Variants in NRXN3 observed in about 807,000 individuals in gnomAD.
NRXN3 encodes the protein neurexin 3, also known as neurexin III.
In NRXN3, 32 loss-of-function variants were observed where a neutral mutation model predicts 137.6. That is an observed-to-expected ratio of 0.23 (90% confidence interval 0.18 to 0.31). The LOEUF is 0.31. NRXN3 is among the 10% of genes least tolerant of loss of function. The pLI, the probability that NRXN3 is intolerant of heterozygous loss-of-function variation, is 1.00. For synonymous variants in NRXN3, 798 were observed against 784.5 expected, an observed-to-expected ratio of 1.02 and a Z score of -0.29; for missense variants, 1,574 against 2,062.5, an observed-to-expected ratio of 0.76 and a Z score of 4.59.
chr14:78,967,360 C>T lies in NRXN3; in HGVS notation c.2930C>T (p.Thr977Ile). ...CTGAAAGTGGACACCAAAGTGGTCA[C>T]TCAGGTTATCAATGGTGCCAAAAAT... ...HSLKVDTKVV[T>I]QVINGAKNLD... Residue 977 changes from threonine to isoleucine, a missense_variant, in exon 13 of 21, where the codon ACT becomes ATT. Physicochemically the swap from Thr to Ile is moderately conservative, Grantham distance 89 (BLOSUM62 -1). This residue lies in a region of NRXN3 where 718 missense variants were observed against 887.6 expected (regional missense o/e 0.81). Coordinates refer to ENST00000335750, the MANE Select transcript of NRXN3 (RefSeq NM_001330195.2). The T allele has an allele frequency of 6.2e-7, 1 of 1,613,920 alleles. No individual in the cohort carries two copies. Among genetic ancestry groups the T allele is most frequent in the Non-Finnish European group, 8.5e-7 (1 of 1,179,926 alleles).
intron 15 of NRXN3, among the ~76,000 whole-genome samples, chr14:79,350,032 T>C (rs1388632641): frequency 6.6e-6 from 1 of 152,216 alleles, no homozygotes; most frequent in East Asian, 1.9e-4. Context: ...CAGCCCATAA[T>C]TTATGACTAG....
At chr14:79,470,377 G>A (rs1249322909) in intron 16 of NRXN3, among the ~76,000 whole-genome samples, 1 of 152,086 alleles carries the variant, frequency 6.6e-6, no homozygotes, top group Non-Finnish European at 1.5e-5. Context: ...GTCTTGTGAG[G>A]GCCCAGTCTT....
At chr14:79,070,968 G>A (rs1189320202) in intron 15 of NRXN3, among the ~76,000 whole-genome samples, 1 of 152,174 alleles carries the variant, frequency 6.6e-6, no homozygotes, top group Non-Finnish European at 1.5e-5. Flanking sequence ...TTAAGGCTAT[G>A]CATAGCAATT....
intron 15 of NRXN3, among the ~76,000 whole-genome samples, chr14:79,094,975 A>AGT (rs71131675): frequency 0.34 from 29,900 of 86,790 alleles, 2,990 homozygotes; most frequent in Admixed American, 0.46. Flanking sequence ...AGAGAGAGAG[A>AGT]GAGAGTGTGT....
intron 9 of NRXN3, among the ~76,000 whole-genome samples, chr14:78,804,059 G>T (rs2098847565): frequency 6.6e-6 from 1 of 152,092 alleles, no homozygotes; most frequent in Non-Finnish European, 1.5e-5. Context: ...TAGATTATTT[G>T]TTTTCTAAGT....
rs1007719078 is a variant in NRXN3, at chr14:79,861,449, A to G, written c.4201A>G (p.Thr1401Ala). 2.6e-6 allele frequency: 4 copies of G among 1,536,604 alleles called. No individual in the cohort carries two copies. In the East Asian group the frequency reaches 7.3e-5, roughly 28 times the overall value. ...PNKVSETSRT[T>A]TTSLSPELIR... is the part of the protein sequence containing the mutation. Reference sequence around the variant, plus strand: ...CAAAGTCTCCGAAACTAGTAGGACTACTACCACATCTTTATCCCCTGAGCT... The same window carrying G: ...CAAAGTCTCCGAAACTAGTAGGACTGCTACCACATCTTTATCCCCTGAGCT... Residue 1401 changes from threonine (T) to alanine (A), a missense_variant, in exon 21 of 21, where the codon ACT (threonine) becomes GCT (alanine). By Grantham distance (58) the Thr-to-Ala change is moderately conservative (BLOSUM62 0). This residue lies in a region of NRXN3 where 320 missense variants were observed against 387.1 expected (regional missense o/e 0.83). Coordinates refer to ENST00000335750, the MANE Select transcript of NRXN3 (RefSeq NM_001330195.2). The surrounding 1 kb of genome is among the most constrained non-coding windows in gnomAD (Gnocchi z 5.4).
chr14:78,807,327 T>G (rs1257692929), intron 9 of NRXN3, among the ~76,000 whole-genome samples: 1 of 152,204 alleles, frequency 6.6e-6, no homozygotes, highest in African/African-American at 2.4e-5. Context: ...AGATGTTCTC[T>G]CTCTGGAAAT....
At chr14:79,831,041 G>A (rs780219429) in intron 20 of NRXN3, among the ~76,000 whole-genome samples, 2 of 150,692 alleles carry the variant, frequency 1.3e-5, no homozygotes, top group Non-Finnish European at 3.0e-5. Context: ...TTGACATGAG[G>A]TCTTTAAAGA....
intron 4 of NRXN3, among the ~76,000 whole-genome samples, chr14:78,629,392 G>C (rs1459193108): frequency 2.0e-5 from 3 of 152,174 alleles, no homozygotes; most frequent in Admixed American, 6.5e-5. Flanking sequence ...ATGCTCAAAA[G>C]GCCCCAGCAG....
chr14:78,622,742 C>G (rs181861594), intron 4 of NRXN3, among the ~76,000 whole-genome samples: 1 of 152,332 alleles, frequency 6.6e-6, no homozygotes, highest in East Asian at 1.9e-4. Flanking sequence ...GACACAAAAC[C>G]ATTTGTTGGC....
intron 16 of NRXN3, among the ~76,000 whole-genome samples, chr14:79,541,999 A>G (rs1226331747): frequency 6.6e-6 from 1 of 152,248 alleles, no homozygotes; most frequent in Non-Finnish European, 1.5e-5. Flanking sequence ...TCTGTATGGA[A>G]CAAGAGTGAG....
intron 19 of NRXN3, among the ~76,000 whole-genome samples, chr14:79,796,586 G>T (rs1040433614): frequency 3.3e-5 from 5 of 152,020 alleles, no homozygotes; most frequent in Non-Finnish European, 1.5e-5. Flanking sequence ...AGACCTCAAG[G>T]GTAGAAATAA....
chr14:78,541,910 C>G (rs910581771), intron 4 of NRXN3, among the ~76,000 whole-genome samples: 2 of 152,248 alleles, frequency 1.3e-5, no homozygotes, highest in Non-Finnish European at 2.9e-5. Context: ...TGCTGGAGGT[C>G]CACTCAAGAC....
rs12586252 is a variant in NRXN3 at position 79,715,869 on chromosome 14, C to G, written c.4014+17932C>G. 1.5e-4 allele frequency among the ~76,000 whole-genome samples: 23 copies of G among 152,322 alleles called. 1 individual carries two copies. In the East Asian group the frequency reaches 4.4e-3, roughly 29 times the overall value. On this transcript the variant is annotated intron_variant, in intron 19 of 20. Coordinates refer to ENST00000335750, the MANE Select transcript of NRXN3 (RefSeq NM_001330195.2). ...GCAAAAGAGGACAAGGGCCAGTGTT[C>G]CCGCCAAAGGAAATAGCCTATGCTG...
At chr14:79,836,185 G>T (rs2099342507) in intron 20 of NRXN3, among the ~76,000 whole-genome samples, 1 of 152,184 alleles carries the variant, frequency 6.6e-6, no homozygotes, top group African/African-American at 2.4e-5. Flanking sequence ...AATGTGGATT[G>T]TAATGGTTCT....
chr14:78,517,920 C>T (rs1238611082), intron 4 of NRXN3, among the ~76,000 whole-genome samples: 2 of 152,146 alleles, frequency 1.3e-5, no homozygotes, highest in South Asian at 2.1e-4. Flanking sequence ...TGTATTTTCA[C>T]TCAAGAAACC....
At chr14:78,435,168 C>A (rs530460576) in intron 4 of NRXN3, among the ~76,000 whole-genome samples, 2 of 152,224 alleles carry the variant, frequency 1.3e-5, no homozygotes, top group African/African-American at 4.8e-5. Context: ...TAACTCTCAG[C>A]CTTAATATCA....
intron 16 of NRXN3, among the ~76,000 whole-genome samples, chr14:79,564,535 C>T (rs1258355066): frequency 6.6e-6 from 1 of 152,042 alleles, no homozygotes; most frequent in Non-Finnish European, 1.5e-5. Flanking sequence ...TTCATTGTCC[C>T]GCACACTTTA....
At chr14:79,561,677 G>A (rs761049825) in intron 16 of NRXN3, among the ~76,000 whole-genome samples, 9 of 152,160 alleles carry the variant, frequency 5.9e-5, no homozygotes, top group South Asian at 2.1e-4. Context: ...GACTGATCTC[G>A]TTGCGTTTCC....
Sources: gnomAD v4.1 joint callset for allele counts (sites outside exome capture counted in the v4.1 genomes callset) on GRCh38, gnomAD v4.1.1 for gene constraint, gnomAD v4.1.1 regional missense constraint, Gnocchi (gnomAD v3.1) non-coding constraint, MANE v1.5 for transcripts, NCBI Gene and HGNC (gene_info 2026-07-23, HGNC 2026-07-21) for gene names.